The following PDK1 variants were observed in gnomAD, a reference collection of about 807,000 sequenced individuals.
PDK1 encodes [Pyruvate dehydrogenase (acetyl-transferring)] kinase isozyme 1, mitochondrial.
In PDK1, 39 loss-of-function variants were observed where a neutral mutation model predicts 54.2. The ratio of observed to expected loss-of-function variants is 0.72; its 90% CI spans 0.56 to 0.94. PDK1 has a LOEUF of 0.94. Ranked by LOEUF, PDK1 falls within the 40% of genes least tolerant of loss-of-function variation. The pLI is 0.00. For missense variants in PDK1, 552 were observed against 566.0 expected (o/e 0.98, Z 0.25); for synonymous variants, 221 against 207.1 (o/e 1.07, Z -0.58).
At chr2:172,617,061 T>C in the PDK1 span, among the ~76,000 whole-genome samples, 2 of 152,178 alleles carry the variant, frequency 1.3e-5, no homozygotes, top group African/African-American at 4.8e-5. Context: ...GCGATTCTCC[T>C]GCTTCAGCAT....
chr2:172,558,201 T>A (rs943506170), intron 1 of PDK1: 2 of 152,440 alleles, frequency 1.3e-5, no homozygotes, highest in African/African-American at 4.8e-5. Context: ...CAAAGAAATC[T>A]GTAACCGGTT....
rs1484221350 is a variant in PDK1, at chr2:172,601,159, T to A, written c.*5190T>A. ...ATAAGGAATAATGAACTTAATAACA[T>A]TTTTTTCCATTCTCAAAATGATACT... On this transcript the variant is annotated 3_prime_UTR_variant, in exon 11 of 11. Transcript: ENST00000282077. 6.6e-6 allele frequency: 1 copy of A among 152,124 alleles called. No homozygotes were observed. The highest frequency in any genetic ancestry group is 1.9e-4 in the East Asian group (1 of 5,194). 9.4% of individuals were successfully genotyped at this position (152,124 alleles called of 1,614,324 possible). A position where few individuals can be genotyped will look rare whatever the true frequency, so the allele number is the denominator to read the frequency against.
intron 10 of PDK1, 114 bp from the exon 11 acceptor site, chr2:172,595,715 A>T (rs749174782): frequency 3.2e-5 from 24 of 752,308 alleles, no homozygotes; most frequent in Non-Finnish European, 5.0e-5. Flanking sequence ...GATTAATAAG[A>T]TACTAATAGA....
chr2:172,703,517 A>G, the PDK1 span, among the ~76,000 whole-genome samples: 1 of 152,180 alleles, frequency 6.6e-6, no homozygotes, highest in Admixed American at 6.5e-5. Context: ...TCAGAGACTC[A>G]CAATCTGCTA....
At chr2:172,702,029 G>A in the PDK1 span, among the ~76,000 whole-genome samples, 1 of 152,186 alleles carries the variant, frequency 6.6e-6, no homozygotes. Flanking sequence ...CTCCAAAAAG[G>A]ATTTACATGT....
At chr2:172,580,079 T>TA (rs1385912161) in intron 8 of PDK1, among the ~76,000 whole-genome samples, 1 of 151,690 alleles carries the variant, frequency 6.6e-6, no homozygotes, top group African/African-American at 2.4e-5. Flanking sequence ...AGGATATTAT[T>TA]TTTTTTTAAT....
the PDK1 span, among the ~76,000 whole-genome samples, chr2:172,692,970 T>TCCA: frequency 6.6e-6 from 1 of 152,332 alleles, no homozygotes; most frequent in South Asian, 2.1e-4. Flanking sequence ...TGCAAAAGCA[T>TCCA]CCACAGTAAT....
At chr2:172,611,807 T>C (rs1454360993), downstream of PDK1, among the ~76,000 whole-genome samples, 2 of 152,234 alleles carry the variant, frequency 1.3e-5, no homozygotes. Context: ...ATAATATCAA[T>C]TGACATAGAA....
At chr2:172,647,518 G>C in the PDK1 span, among the ~76,000 whole-genome samples, 38 of 152,122 alleles carry the variant, frequency 2.5e-4, no homozygotes, top group Non-Finnish European at 4.4e-4. Context: ...AATAAACAAT[G>C]ATAGCATTTC....
intron 9 of PDK1, among the ~76,000 whole-genome samples, chr2:172,591,330 A>T (rs1690574683): frequency 6.6e-6 from 1 of 152,134 alleles, no homozygotes. Flanking sequence ...TTTCCTGTAA[A>T]CGCCGGGCGG....
rs1175087926 is a variant in PDK1 at position 172,583,281 on chromosome 2, GTTT to G, written c.946-2968_946-2966del. 4.0e-3 allele frequency among the ~76,000 whole-genome samples: 309 copies of G among 77,064 alleles called. 8 individuals are homozygous for G. Among genetic ancestry groups the G allele is most frequent in the African/African-American group, 0.013 (241 of 18,478 alleles). 50.6% of individuals were successfully genotyped at this position (77,064 alleles called of 152,430 possible). A position where few individuals can be genotyped will look rare whatever the true frequency, so the allele number is the denominator to read the frequency against. Reference sequence around the variant, plus strand: ...CATAATGCTGCATAAAAGTTTTCTGGTTTTTTTTTTTTTTTTTTTTTTTTTTTT... The same window carrying G: ...CATAATGCTGCATAAAAGTTTTCTGGTTTTTTTTTTTTTTTTTTTTTTTTT... On this transcript the variant is annotated intron_variant, in intron 8 of 10. Coordinates refer to ENST00000282077, the MANE Select transcript of PDK1 (RefSeq NM_002610.5).
chr2:172,672,650 C>T, the PDK1 span, among the ~76,000 whole-genome samples: 22 of 150,916 alleles, frequency 1.5e-4, no homozygotes, highest in East Asian at 2.1e-3. Flanking sequence ...AGATGCTTTT[C>T]TTTGTATTTT....
chr2:172,668,930 GA>G, the PDK1 span, among the ~76,000 whole-genome samples: 3 of 145,278 alleles, frequency 2.1e-5, no homozygotes, highest in Non-Finnish European at 3.0e-5. Flanking sequence ...GAGAGAGAGA[GA>G]GAGAGAGAAA....
At chr2:172,685,838 G>A in the PDK1 span, among the ~76,000 whole-genome samples, 1 of 152,096 alleles carries the variant, frequency 6.6e-6, no homozygotes, top group Admixed American at 6.5e-5. Context: ...AGCTGCACGT[G>A]GCTATTTTCA....
At chr2:172,574,370 A>C (rs1021791952) in intron 8 of PDK1, among the ~76,000 whole-genome samples, 1 of 152,186 alleles carries the variant, frequency 6.6e-6, no homozygotes, top group Non-Finnish European at 1.5e-5. Flanking sequence ...TGTGAGTCCT[A>C]CAACTTCTTT....
the PDK1 span, among the ~76,000 whole-genome samples, chr2:172,705,975 A>G: frequency 1.3e-5 from 2 of 152,224 alleles, no homozygotes; most frequent in Non-Finnish European, 2.9e-5. Flanking sequence ...GTTGTAAGAA[A>G]TAATACAGAG....
At chr2:172,705,471 T>C in the PDK1 span, among the ~76,000 whole-genome samples, 1 of 152,256 alleles carries the variant, frequency 6.6e-6, no homozygotes. Flanking sequence ...CCCTATCTTA[T>C]TACTGTCACC....
chr2:172,684,299 A>G, the PDK1 span, among the ~76,000 whole-genome samples: 1 of 152,072 alleles, frequency 6.6e-6, no homozygotes, highest in Non-Finnish European at 1.5e-5. Context: ...GTGCATGCCT[A>G]TGGTCCCAAC....
At chr2:172,565,099 A>T (rs774300380) in intron 5 of PDK1, 26 bp downstream of exon 5, 21 of 1,321,384 alleles carry the variant, frequency 1.6e-5, no homozygotes, top group Non-Finnish European at 2.2e-6. Flanking sequence ...TCTCCTTGCA[A>T]AAAAAGATAC....
Sources: gnomAD v4.1 joint callset for allele counts (sites outside exome capture counted in the v4.1 genomes callset) on GRCh38, gnomAD v4.1.1 for gene constraint, MANE v1.5 for transcripts, NCBI Gene and HGNC (gene_info 2026-07-23, HGNC 2026-07-21) for gene names.